Variants in NAALADL1 observed in about 807,000 individuals in gnomAD.
NAALADL1 encodes N-acetylated alpha-linked acidic dipeptidase like 1.
A neutral mutation model predicts 82.8 loss-of-function variants in NAALADL1; 77 were observed. The ratio of observed to expected loss-of-function variants is 0.93; its 90% CI spans 0.77 to 1.12. The LOEUF (loss-of-function observed/expected upper bound fraction) is 1.12. Ranked by LOEUF, NAALADL1 falls within the 50% of genes most tolerant of loss-of-function variation. NAALADL1 has a pLI of 0.00. For synonymous variants in NAALADL1, 358 were observed against 399.2 expected, an observed-to-expected ratio of 0.90 and a Z score of 1.23; for missense variants, 956 against 964.0, an observed-to-expected ratio of 0.99 and a Z score of 0.11.
In NAALADL1 at chr11:65,046,119, G is replaced by A; in HGVS notation, c.1856-5C>T. On this transcript the variant is annotated splice_region_variant and splice_polypyrimidine_tract_variant and intron_variant, in intron 15 of 17. Coordinates refer to ENST00000358658, the MANE Select transcript of NAALADL1 (RefSeq NM_005468.3). ...CCACTGCAGTCACCAGAGGCCCTGT[G>A]AGGAACAAGCAGTGGCTCAGTCATG... The A allele has an allele frequency of 6.2e-7, 1 of 1,614,150 alleles. No homozygotes were observed. Among genetic ancestry groups the A allele is most frequent in the Non-Finnish European group, 8.5e-7 (1 of 1,180,044 alleles).
At chr11:65,056,664 C>T (rs1392411943) in intron 4 of NAALADL1, among the ~76,000 whole-genome samples, 5 of 151,028 alleles carry the variant, frequency 3.3e-5, no homozygotes, top group Non-Finnish European at 5.9e-5. Context: ...GCCTTGGCCC[C>T]GCAAAGTGCT....
Position 65,058,393 on chromosome 11 carries a change from CTCCAGG to C in NAALADL1, c.123_128del (p.Asp41_Leu42del), listed in dbSNP as rs781664948. 1 of 1,614,182 alleles carries C rather than the reference CTCCAGG, an allele frequency of 6.2e-7. No individual in the cohort carries two copies. The highest frequency in any genetic ancestry group is 1.1e-5 in the South Asian group (1 of 91,084). ...GCTGCCCCATGACGGTCTCCAGGAT[CTCCAGG>C]TCCAGGTCCTGGGGGGCCAGTGAGT... On this transcript the variant is annotated inframe_deletion, in exon 1 of 18. Transcript: ENST00000358658.
intron 17 of NAALADL1, 63 bp downstream of exon 17, chr11:65,045,759 A>G: frequency 6.7e-7 from 1 of 1,486,680 alleles, no homozygotes; most frequent in South Asian, 1.2e-5. Flanking sequence ...ACCTCGTCTC[A>G]GGTGGGGAGC....
At chr11:65,057,278 G>A (rs1309795148) in intron 4 of NAALADL1, 93 bp downstream of exon 4, 2 of 1,492,126 alleles carry the variant, frequency 1.3e-6, no homozygotes, top group Non-Finnish European at 1.8e-6. Context: ...ACTCAACACT[G>A]CCTCTTCTCC....
intron 13 of NAALADL1, 120 bp from the exon 14 acceptor site, chr11:65,046,646 G>T: frequency 1.0e-6 from 1 of 974,276 alleles, no homozygotes; most frequent in Non-Finnish European, 1.6e-6. Flanking sequence ...TCTGTGAGGT[G>T]GCTTCTAGAA....
chr11:65,053,194 G>A lies in NAALADL1; in HGVS notation c.1198+24C>T. 1 of 1,521,912 alleles carries A rather than the reference G, an allele frequency of 6.6e-7. No individual in the cohort carries two copies. Among genetic ancestry groups the A allele is most frequent in the Non-Finnish European group, 8.8e-7 (1 of 1,132,766 alleles). The allele number at this position is 1,521,912 out of a possible 1,614,324, so 94.3% of individuals were successfully genotyped here. ...GGACCTCCGGGGGCGAAGGTCCCTGGTCCAGGGGAGGGGGCCGCCTCACCC... is the reference window on the plus strand; with the variant it reads ...GGACCTCCGGGGGCGAAGGTCCCTGATCCAGGGGAGGGGGCCGCCTCACCC... On this transcript the variant is annotated intron_variant, in intron 8 of 17. Transcript: ENST00000358658. The surrounding 1 kb of genome is among the most constrained non-coding windows in gnomAD (Gnocchi z 4.3).
In NAALADL1 at chr11:65,047,661, GT is replaced by G; in HGVS notation, c.1493del (p.Tyr498SerfsTer78). The part of the protein sequence containing the change: ...IRYFNRSSPV[Y>X]GLVPSLGSLG... Reference sequence around the variant, plus strand: ...CCTGGGCTTACCTGGGGACCAGGCCGTACACCGGGCTGCTGCGGTTGAAGTA... The same window carrying G: ...CCTGGGCTTACCTGGGGACCAGGCCGACACCGGGCTGCTGCGGTTGAAGTA... On this transcript the variant is annotated frameshift_variant, in exon 12 of 18. Coordinates refer to ENST00000358658, the MANE Select transcript of NAALADL1 (RefSeq NM_005468.3). LOFTEE classifies it high-confidence loss of function. The G allele has an allele frequency of 6.2e-7, 1 of 1,605,550 alleles. No individual in the cohort carries two copies. The highest frequency in any genetic ancestry group is 8.5e-7 in the Non-Finnish European group (1 of 1,176,944).
intron 8 of NAALADL1, among the ~76,000 whole-genome samples, chr11:65,051,596 T>C (rs561347592): frequency 6.6e-6 from 1 of 152,116 alleles, no homozygotes; most frequent in African/African-American, 2.4e-5. Context: ...CCTTCGAAAG[T>C]GCAGGGATAA....
Position 65,046,111 on chromosome 11 carries a change from G to C in NAALADL1, c.1859C>G (p.Pro620Arg). ...LLEQHSISLG[P>R]LVTAVEKFEA... Reference sequence around the variant, plus strand: ...AAACTTCTCCACTGCAGTCACCAGAGGCCCTGTGAGGAACAAGCAGTGGCT... The same window carrying C: ...AAACTTCTCCACTGCAGTCACCAGACGCCCTGTGAGGAACAAGCAGTGGCT... Residue 620 changes from proline (P) to arginine (R), a missense_variant, in exon 16 of 18, where the codon CCT becomes CGT. By Grantham distance (103) the Pro-to-Arg change is moderately radical (BLOSUM62 -2). Transcript: ENST00000358658. 1 of 1,614,160 alleles carries C rather than the reference G, an allele frequency of 6.2e-7. No individual in the cohort carries two copies. Among genetic ancestry groups the C allele is most frequent in the Admixed American group, 1.7e-5 (1 of 60,030 alleles).
intron 12 of NAALADL1, 35 bp downstream of exon 12, chr11:65,047,612 C>A (rs758171339): frequency 3.8e-6 from 6 of 1,583,074 alleles, no homozygotes; most frequent in Non-Finnish European, 5.1e-6. Flanking sequence ...GGCCGGACCG[C>A]CTCGCTCCGG....
At position 65,046,516 on chromosome 11, in the gene NAALADL1, GAA is replaced by G; in HGVS notation, c.1608_1609del (p.Ala538GlnfsTer11). 2 of 1,614,212 alleles carry G rather than the reference GAA, an allele frequency of 1.2e-6. No individual in the cohort carries two copies. Among genetic ancestry groups the G allele is most frequent in the Non-Finnish European group, 1.7e-6 (2 of 1,180,044 alleles). On this transcript the variant is annotated frameshift_variant, in exon 14 of 18. Transcript: ENST00000358658. LOFTEE classifies it high-confidence loss of function. The stretch of plus-strand genomic sequence containing the variant: ...GTGGTAGGTGGGGTAGATCCTGGCT[GAA>G]GTCTTGCTCTGGGGGAACAAAGCCC...
In NAALADL1 at chr11:65,046,500, G is replaced by A. The variant is rs1341317390; in HGVS notation, c.1626C>T (p.Pro542=). 1.2e-6 allele frequency: 2 copies of A among 1,614,206 alleles called. No individual in the cohort carries two copies. The highest frequency in any genetic ancestry group is 1.7e-6 in the Non-Finnish European group (2 of 1,180,030). ...AGGTGTCAAAGGCTGTGTGGTAGGTGGGGTAGATCCTGGCTGAAGTCTTGC... is the reference window on the plus strand; with the variant it reads ...AGGTGTCAAAGGCTGTGTGGTAGGTAGGGTAGATCCTGGCTGAAGTCTTGC... The part of the protein sequence containing the change: ...DRSKTSARIY[P]TYHTAFDTFD... The change falls in exon 14 of 18, where the codon CCC becomes CCT. Residue 542 remains proline (P), a synonymous_variant. Transcript: ENST00000358658.
Position 65,053,216 on chromosome 11 carries a change from A to G in NAALADL1, c.1198+2T>C. The G allele has an allele frequency of 6.5e-7, 1 of 1,538,536 alleles. No homozygotes were observed. The highest frequency in any genetic ancestry group is 8.8e-7 in the Non-Finnish European group (1 of 1,140,954). ...CTGGTCCAGGGGAGGGGGCCGCCTC[A>G]CCCTTCTTCAGCAGGGTCCCCAGGA... On this transcript the variant is annotated splice_donor_variant, in intron 8 of 17. Transcript: ENST00000358658. LOFTEE classifies it high-confidence loss of function. This position sits in a 1 kb window ranked among gnomAD's most constrained non-coding sequence, Gnocchi z 4.3.
chr11:65,053,503 C>T lies in NAALADL1; in HGVS notation c.1066G>A (p.Ala356Thr). Residue 356 changes from alanine to threonine, a missense_variant, in exon 7 of 18, where the codon GCT becomes ACT. Coordinates refer to ENST00000358658, the MANE Select transcript of NAALADL1 (RefSeq NM_005468.3). This position sits in a 1 kb window ranked among gnomAD's most constrained non-coding sequence, Gnocchi z 4.3. ...SSNVLGIIRG[A>T]VEPDRYVLYG... is the part of the protein sequence containing the mutation. ...GAGGAGGGCTCACCAGGCTCCACAG[C>T]CCCACGGATGATGCCCAGGACGTTG... 1 of 1,613,820 alleles carries T rather than the reference C, an allele frequency of 6.2e-7. No homozygotes were observed. Among genetic ancestry groups the T allele is most frequent in the Non-Finnish European group, 8.5e-7 (1 of 1,179,938 alleles).
In NAALADL1 at chr11:65,048,176, T is replaced by A. The variant is rs778007946; in HGVS notation, c.1324A>T (p.Ile442Phe). 1.2e-6 allele frequency: 2 copies of A among 1,613,658 alleles called. No individual in the cohort carries two copies. Among genetic ancestry groups the A allele is most frequent in the Non-Finnish European group, 1.7e-6 (2 of 1,179,928 alleles). The change falls in exon 10 of 18, where the codon ATC becomes TTC. Residue 442 changes from isoleucine (I) to phenylalanine (F), a missense_variant. Physicochemically the swap from Ile to Phe is conservative, Grantham distance 21. Transcript: ENST00000358658. ...NKLQERTVAY[I>F]NVDISVFANA... ...CCAAACACCGAGATGTCCACGTTGA[T>A]GTAGGCCACCGTGCGCTCCTGCAGC... is the stretch of plus-strand genomic sequence containing the variant.
At position 65,054,809 on chromosome 11, in the gene NAALADL1, T is replaced by G. The variant is rs1337590186; in HGVS notation, c.604-71A>C. The G allele has an allele frequency of 6.5e-7, 1 of 1,540,132 alleles. No individual in the cohort carries two copies. The highest frequency in any genetic ancestry group is 1.4e-5 in the African/African-American group (1 of 73,470). ...AGATATGTCCTATTCCTCTTCCTCC[T>G]TCCTCGACTGTGGAAGCCAGGATAG... On this transcript the variant is annotated intron_variant, in intron 4 of 17. Coordinates refer to ENST00000358658, the MANE Select transcript of NAALADL1 (RefSeq NM_005468.3). This position sits in a 1 kb window ranked among gnomAD's most constrained non-coding sequence, Gnocchi z 4.3.
chr11:65,045,303 C>CCG lies in NAALADL1; in HGVS notation c.2189_2190dup (p.Ala731ArgfsTer5). 6.2e-7 allele frequency: 1 copy of CCG among 1,608,380 alleles called. No homozygotes were observed. Among genetic ancestry groups the CCG allele is most frequent in the South Asian group, 1.1e-5 (1 of 90,414 alleles). Reference sequence around the variant, plus strand: ...TCAGCCACAGGCCTCAGGGTGGCTGCCGCACCCTCCAGGGCTGTCACCACA... The same window carrying CCG: ...TCAGCCACAGGCCTCAGGGTGGCTGCCGCGCACCCTCCAGGGCTGTCACCACA... On this transcript the variant is annotated frameshift_variant, in exon 18 of 18. Transcript: ENST00000358658. LOFTEE classifies it high-confidence loss of function.
chr11:65,057,551 G>C, intron 3 of NAALADL1, 58 bp from the exon 4 acceptor site: 2 of 1,568,708 alleles, frequency 1.3e-6, no homozygotes, highest in East Asian at 2.3e-5. Context: ...GGGTGGGGAA[G>C]GGGGGTGGAA....
chr11:65,060,549 C>G (rs1420473348), upstream of NAALADL1, among the ~76,000 whole-genome samples: 1 of 152,098 alleles, frequency 6.6e-6, no homozygotes, highest in African/African-American at 2.4e-5. Flanking sequence ...GGATTTAACC[C>G]CTCAATCATG....
Sources: allele counts gnomAD v4.1 joint callset (sites outside exome capture counted in the v4.1 genomes callset), GRCh38; gene constraint gnomAD v4.1.1; non-coding constraint Gnocchi (gnomAD v3.1); transcripts MANE v1.5; gene names NCBI Gene and HGNC (gene_info 2026-07-23, HGNC 2026-07-21).